TBC1D32: variants seen among roughly 807,000 people sequenced by gnomAD.
The protein encoded by TBC1D32 is protein broad-minded.
TBC1D32 carries 151 observed loss-of-function variants against 170.3 expected under a neutral mutation model. The observed-to-expected ratio is 0.89, with a 90% CI of 0.78 to 1.01. The LOEUF (loss-of-function observed/expected upper bound fraction) is 1.01. Among genes scored for constraint, TBC1D32 ranks in the 50% least tolerant of loss-of-function variants. TBC1D32 has a pLI of 0.00. For synonymous variants in TBC1D32, 498 were observed against 488.0 expected (o/e 1.02, Z -0.27); for missense variants, 1,464 against 1,457.1 (o/e 1.00, Z -0.08).
At chr6:121,177,162 G>C (rs1257063301) in intron 22 of TBC1D32, among the ~76,000 whole-genome samples, 1 of 152,108 alleles carries the variant, frequency 6.6e-6, no homozygotes, top group African/African-American at 2.4e-5. Flanking sequence ...CATATCTCAT[G>C]TCAAATTGTG....
At chr6:121,306,291 C>A (rs187145896) in intron 5 of TBC1D32, among the ~76,000 whole-genome samples, 55 of 152,238 alleles carry the variant, frequency 3.6e-4, no homozygotes, top group African/African-American at 1.3e-3. Flanking sequence ...ATAATCATAT[C>A]TTTATTAATG....
At position 121,308,003 on chromosome 6, in the gene TBC1D32, A is replaced by G; in HGVS notation, c.663T>C (p.Ser221=). 1 of 1,613,788 alleles carries G rather than the reference A, an allele frequency of 6.2e-7. No individual in the cohort carries two copies. Among genetic ancestry groups the G allele is most frequent in the East Asian group, 2.2e-5 (1 of 44,840 alleles). Residue 221 remains serine, a synonymous_variant, in exon 5 of 32, where the codon TCT becomes TCC. Transcript: ENST00000398212. Reference sequence around the variant, plus strand: ...TAAACACAGGATCAGGATCTGAAAGAGACACGGTCAGTTTTTCGCAGAGAG... The same window carrying G: ...TAAACACAGGATCAGGATCTGAAAGGGACACGGTCAGTTTTTCGCAGAGAG... ...WTTLCEKLTV[S]LSDPDPVFSD...
rs57771111 is a variant in TBC1D32 at position 121,208,729 on chromosome 6, G to GAAAAAAAAAAAAAA, written c.2482-3580_2482-3567dup. Among the ~76,000 whole-genome samples the GAAAAAAAAAAAAAA allele has an allele frequency of 4.6e-5, 4 of 86,896 alleles. 1 individual carries two copies. Among genetic ancestry groups the GAAAAAAAAAAAAAA allele is most frequent in the Non-Finnish European group, 2.4e-5 (1 of 42,540 alleles). 57.0% of individuals were successfully genotyped at this position (86,896 alleles called of 152,430 possible). On this transcript the variant is annotated intron_variant, in intron 21 of 31. Coordinates refer to ENST00000398212, the MANE Select transcript of TBC1D32 (RefSeq NM_152730.6). ...GTAGCAACAAGACACGAAACACCTG[G>GAAAAAAAAAAAAAA]AAAAAAAAAAAAAAAAAACAGAAAT... is the stretch of plus-strand genomic sequence containing the variant.
intron 21 of TBC1D32, among the ~76,000 whole-genome samples, chr6:121,211,226 G>C (rs987679220): frequency 1.3e-5 from 2 of 152,110 alleles, no homozygotes; most frequent in African/African-American, 4.8e-5. Flanking sequence ...TCCAAGATAA[G>C]TAACAGAAAA....
chr6:121,195,483 T>C (rs929450507), intron 22 of TBC1D32, among the ~76,000 whole-genome samples: 6 of 152,184 alleles, frequency 3.9e-5, no homozygotes, highest in African/African-American at 1.4e-4. Flanking sequence ...GAACTGCCTA[T>C]CATGAACTGG....
intron 31 of TBC1D32, among the ~76,000 whole-genome samples, chr6:121,085,360 CAT>C (rs942679928): frequency 1.0e-4 from 11 of 110,298 alleles, no homozygotes; most frequent in South Asian, 2.4e-4. Flanking sequence ...CATATATATA[CAT>C]ATATATATGT....
intron 30 of TBC1D32, among the ~76,000 whole-genome samples, chr6:121,097,594 G>A (rs1221449776): frequency 1.3e-5 from 2 of 152,164 alleles, no homozygotes; most frequent in Non-Finnish European, 2.9e-5. Context: ...CACTTTTGGT[G>A]GGAGTGTAAA....
intron 20 of TBC1D32, among the ~76,000 whole-genome samples, chr6:121,232,411 T>C (rs1009390831): frequency 6.6e-6 from 1 of 152,164 alleles, no homozygotes; most frequent in Non-Finnish European, 1.5e-5. Flanking sequence ...GCGGGCTCTT[T>C]GTTGGCTCCA....
intron 24 of TBC1D32, among the ~76,000 whole-genome samples, chr6:121,159,082 T>C (rs2202065): frequency 0.25 from 37,653 of 152,116 alleles, 5,541 homozygotes; most frequent in East Asian, 0.57. Context: ...GAAAAAATGC[T>C]CTTCTCTTAC....
chr6:121,236,451 T>G (rs141477919), intron 20 of TBC1D32, among the ~76,000 whole-genome samples: 1 of 152,250 alleles, frequency 6.6e-6, no homozygotes, highest in East Asian at 1.9e-4. Context: ...TCTGAAGGTA[T>G]CTAGTTATAT....
intron 22 of TBC1D32, among the ~76,000 whole-genome samples, chr6:121,196,103 G>A (rs574177032): frequency 6.6e-5 from 10 of 152,312 alleles, no homozygotes; most frequent in African/African-American, 2.4e-4. Context: ...TCACCAACAG[G>A]TGACCTCAGC....
At chr6:121,291,956 C>T (rs989673510) in intron 12 of TBC1D32, 97 bp downstream of exon 12, 82 of 1,274,428 alleles carry the variant, frequency 6.4e-5, no homozygotes, top group African/African-American at 9.2e-5. Context: ...AGCTAAGTAC[C>T]GTAGAAAGGA....
At chr6:121,199,932 C>T (rs1791319204) in intron 22 of TBC1D32, among the ~76,000 whole-genome samples, 1 of 151,202 alleles carries the variant, frequency 6.6e-6, no homozygotes, top group African/African-American at 2.5e-5. Context: ...TTTAACTTTT[C>T]ATATTAAAGT....
At chr6:121,262,329 G>A (rs1262928419) in intron 15 of TBC1D32, among the ~76,000 whole-genome samples, 5 of 152,058 alleles carry the variant, frequency 3.3e-5, no homozygotes, top group African/African-American at 1.2e-4. Context: ...ATAATCATCA[G>A]ATTCTCCAAG....
chr6:121,191,491 A>G (rs1392812024), intron 22 of TBC1D32, among the ~76,000 whole-genome samples: 1 of 152,132 alleles, frequency 6.6e-6, no homozygotes, highest in Admixed American at 6.6e-5. Context: ...AGAAATAGGG[A>G]GCAGGGTCAG....
intron 22 of TBC1D32, among the ~76,000 whole-genome samples, 193 bp from the exon 23 acceptor site, chr6:121,161,249 T>G (rs963716330): frequency 6.6e-6 from 1 of 152,206 alleles, no homozygotes; most frequent in Non-Finnish European, 1.5e-5. Context: ...GTTTGTTACA[T>G]AGGCAAACGT....
chr6:121,092,293 GTT>G (rs1160372863), intron 30 of TBC1D32, among the ~76,000 whole-genome samples: 1,007 of 50,408 alleles, frequency 0.02, 9 homozygotes, highest in South Asian at 0.12. Flanking sequence ...TCAGTTTTAT[GTT>G]TTTTTTTTTT....
At chr6:121,306,200 A>G (rs1013471112) in intron 5 of TBC1D32, among the ~76,000 whole-genome samples, 1 of 152,172 alleles carries the variant, frequency 6.6e-6, no homozygotes, top group Non-Finnish European at 1.5e-5. Context: ...ACAAGGTTGA[A>G]CTGCATCCAA....
chr6:121,168,494 T>G, intron 22 of TBC1D32, among the ~76,000 whole-genome samples: 1 of 59,888 alleles, frequency 1.7e-5, no homozygotes, highest in South Asian at 8.2e-4. Flanking sequence ...TGCTCACTCA[T>G]AGGTGGGAAT....
Sources: gnomAD v4.1 joint callset for allele counts (sites outside exome capture counted in the v4.1 genomes callset) on GRCh38, gnomAD v4.1.1 for gene constraint, MANE v1.5 for transcripts, NCBI Gene and HGNC (gene_info 2026-07-23, HGNC 2026-07-21) for gene names.